The following SHISA9 variants were observed in gnomAD, a reference collection of about 807,000 sequenced individuals.
SHISA9 encodes the protein shisa family member 9.
A neutral mutation model predicts 38.0 loss-of-function variants in SHISA9; 13 were observed. That is an observed-to-expected ratio of 0.34 (90% CI 0.22 to 0.54). The LOEUF (loss-of-function observed/expected upper bound fraction) is 0.54, where lower values mean the gene tolerates loss of function less well. Ranked by LOEUF, SHISA9 falls within the 20% of genes least tolerant of loss-of-function variation. SHISA9 has a pLI of 0.91. For synonymous variants in SHISA9, 275 were observed against 242.0 expected (o/e 1.14, Z -1.27); for missense variants, 538 against 575.8 (o/e 0.93, Z 0.67).
chr16:13,082,393 G>T (rs1411244955), intron 2 of SHISA9: 1 of 151,978 alleles, frequency 6.6e-6, no homozygotes, highest in African/African-American at 2.4e-5. Flanking sequence ...CCATCCTCGG[G>T]CACCTCTTGG....
chr16:13,211,240 A>C (rs1188479859), intron 3 of SHISA9, among the ~76,000 whole-genome samples: 1 of 151,738 alleles, frequency 6.6e-6, no homozygotes, highest in Non-Finnish European at 1.5e-5. Context: ...GTGGGGGTGG[A>C]GGTTCCAGTG....
chr16:13,560,052 A>C, the SHISA9 span, among the ~76,000 whole-genome samples: 1 of 152,270 alleles, frequency 6.6e-6, no homozygotes, highest in Admixed American at 6.5e-5. Context: ...GAATTCATTG[A>C]CTTGGGCAAC....
chr16:13,558,104 T>C, the SHISA9 span, among the ~76,000 whole-genome samples: 1 of 152,198 alleles, frequency 6.6e-6, no homozygotes, highest in Non-Finnish European at 1.5e-5. Context: ...CCTTTTCTGC[T>C]TCCCTGCTTT....
At chr16:13,517,766 A>T in the SHISA9 span, among the ~76,000 whole-genome samples, 1 of 152,122 alleles carries the variant, frequency 6.6e-6, no homozygotes, top group African/African-American at 2.4e-5. Context: ...AAACCTCTCA[A>T]AGTTCTTCAT....
At chr16:13,348,143 T>G in the SHISA9 span, among the ~76,000 whole-genome samples, 4 of 152,314 alleles carry the variant, frequency 2.6e-5, no homozygotes, top group Non-Finnish European at 5.9e-5. Flanking sequence ...AATAATAACG[T>G]TAAGACAGGT....
intron 4 of SHISA9, among the ~76,000 whole-genome samples, chr16:13,214,616 C>G (rs565696977): frequency 1.3e-5 from 2 of 152,272 alleles, no homozygotes; most frequent in South Asian, 4.1e-4. Context: ...AAGACATACC[C>G]AAGACTGGGC....
the SHISA9 span, among the ~76,000 whole-genome samples, chr16:13,345,112 T>C: frequency 6.6e-6 from 1 of 152,194 alleles, no homozygotes; most frequent in African/African-American, 2.4e-5. Flanking sequence ...TTCTTTTTTT[T>C]AAATTTTATT....
the SHISA9 span, among the ~76,000 whole-genome samples, chr16:13,532,325 G>C: frequency 6.6e-6 from 1 of 152,092 alleles, no homozygotes; most frequent in Non-Finnish European, 1.5e-5. Flanking sequence ...GGAAGGAGGG[G>C]GATACAGGGA....
chr16:13,466,890 A>T, the SHISA9 span, among the ~76,000 whole-genome samples: 3 of 152,210 alleles, frequency 2.0e-5, no homozygotes, highest in Admixed American at 6.5e-5. Flanking sequence ...ATAGGATATC[A>T]GGAGAAATGT....
chr16:13,358,158 A>C, the SHISA9 span, among the ~76,000 whole-genome samples: 1 of 152,090 alleles, frequency 6.6e-6, no homozygotes, highest in East Asian at 1.9e-4. Context: ...ATTGGCCCTC[A>C]CTACTAGCTA....
chr16:13,278,716 G>T, the SHISA9 span, among the ~76,000 whole-genome samples: 1 of 152,122 alleles, frequency 6.6e-6, no homozygotes, highest in Non-Finnish European at 1.5e-5. Context: ...GGTGTTCATA[G>T]TAGCTGCAAA....
chr16:13,438,787 G>A, the SHISA9 span, among the ~76,000 whole-genome samples: 1 of 152,016 alleles, frequency 6.6e-6, no homozygotes. Context: ...TATGTGAAAA[G>A]GTTAAAAATA....
chr16:13,328,106 G>A, the SHISA9 span, among the ~76,000 whole-genome samples: 6 of 152,250 alleles, frequency 3.9e-5, no homozygotes, highest in East Asian at 1.2e-3. Context: ...CCTAAATACA[G>A]ATATTTCCCA....
chr16:12,932,408 C>G (rs1441434569), intron 2 of SHISA9, among the ~76,000 whole-genome samples: 1 of 152,126 alleles, frequency 6.6e-6, no homozygotes, highest in Non-Finnish European at 1.5e-5. Flanking sequence ...GTGGTGCGAT[C>G]TGGACTCACT....
the SHISA9 span, among the ~76,000 whole-genome samples, chr16:13,517,853 A>T: frequency 6.6e-6 from 1 of 152,192 alleles, no homozygotes; most frequent in East Asian, 1.9e-4. Flanking sequence ...AGCTAATGGA[A>T]GGTTAGTGAG....
rs142331465 is a variant in SHISA9, at chr16:13,173,113, T to A, written c.692-30281T>A. On this transcript the variant is annotated intron_variant, in intron 2 of 4. Transcript: ENST00000558583. Reference sequence around the variant, plus strand: ...TTTTCTTCTCTGTATGAATATTATTTGAAAAGGAATTGTTTATCAGTCAGA... The same window carrying A: ...TTTTCTTCTCTGTATGAATATTATTAGAAAAGGAATTGTTTATCAGTCAGA... Among the ~76,000 whole-genome samples, 1,091 of 151,906 alleles carry A rather than the reference T, an allele frequency of 7.2e-3. 12 individuals are homozygous for A. Among genetic ancestry groups the A allele is most frequent in the African/African-American group, 0.023 (957 of 41,388 alleles).
chr16:13,010,777 C>A (rs2072662808), intron 2 of SHISA9, among the ~76,000 whole-genome samples: 1 of 152,094 alleles, frequency 6.6e-6, no homozygotes. Flanking sequence ...CATGGTGAAA[C>A]CCCGTCTCTA....
At chr16:12,922,767 G>T (rs373193935) in intron 2 of SHISA9, among the ~76,000 whole-genome samples, 9 of 152,246 alleles carry the variant, frequency 5.9e-5, no homozygotes, top group African/African-American at 1.9e-4. Context: ...TGATCCACGT[G>T]CCTTAGCCTC....
chr16:12,981,773 A>G (rs1372659085), intron 2 of SHISA9, among the ~76,000 whole-genome samples: 1 of 152,192 alleles, frequency 6.6e-6, no homozygotes, highest in Admixed American at 6.5e-5. Context: ...ATGAGGTCAT[A>G]TGGGTGGACT....
Sources: allele counts gnomAD v4.1 joint callset (sites outside exome capture counted in the v4.1 genomes callset), GRCh38; gene constraint gnomAD v4.1.1; transcripts MANE v1.5; gene names NCBI Gene and HGNC (gene_info 2026-07-23, HGNC 2026-07-21).